Variants in TASP1 observed in about 807,000 individuals in gnomAD.
TASP1 encodes threonine aspartase 1.
Under a neutral mutation model 56.6 loss-of-function variants are expected in TASP1, and 16 were observed. That is an observed-to-expected ratio of 0.28 (90% CI 0.19 to 0.43). The LOEUF (loss-of-function observed/expected upper bound fraction) is 0.43. Among genes scored for constraint, TASP1 ranks in the 20% least tolerant of loss-of-function variants. TASP1 has a pLI of 1.00. For missense variants in TASP1, 393 were observed against 511.6 expected (o/e 0.77, Z 2.24); for synonymous variants, 179 against 184.2 (o/e 0.97, Z 0.23).
At chr20:13,214,518 G>GGC in the TASP1 span, among the ~76,000 whole-genome samples, 2 of 96,716 alleles carry the variant, frequency 2.1e-5, no homozygotes, top group Admixed American at 1.0e-4. Flanking sequence ...TACAGAGACA[G>GGC]GCACACACAC....
the TASP1 span, among the ~76,000 whole-genome samples, chr20:13,381,248 T>G: frequency 6.6e-6 from 1 of 152,204 alleles, no homozygotes; most frequent in African/African-American, 2.4e-5. Context: ...TTGCGAAGAC[T>G]GTGGGAAAAG....
the TASP1 span, among the ~76,000 whole-genome samples, chr20:13,118,463 A>AC: frequency 6.6e-6 from 1 of 151,726 alleles, no homozygotes. Context: ...AAAAAAACAA[A>AC]AAAAAACAAT....
intron 1 of TASP1, among the ~76,000 whole-genome samples, chr20:13,636,633 G>C (rs2049321253): frequency 6.6e-6 from 1 of 152,212 alleles, no homozygotes; most frequent in African/African-American, 2.4e-5. Flanking sequence ...TTTAACACAG[G>C]ATAATTTAGA....
the TASP1 span, among the ~76,000 whole-genome samples, chr20:13,138,762 G>T: frequency 6.6e-6 from 1 of 152,132 alleles, no homozygotes; most frequent in Non-Finnish European, 1.5e-5. Context: ...TTTGATAAAT[G>T]CATGGTTTTA....
At chr20:13,152,632 A>G in the TASP1 span, among the ~76,000 whole-genome samples, 1 of 152,170 alleles carries the variant, frequency 6.6e-6, no homozygotes, top group South Asian at 2.1e-4. Flanking sequence ...TAAAAGAAAG[A>G]CTCAAATAGT....
At chr20:13,521,040 C>T (rs1267534783) in intron 10 of TASP1, among the ~76,000 whole-genome samples, 3 of 152,114 alleles carry the variant, frequency 2.0e-5, no homozygotes, top group African/African-American at 7.2e-5. Flanking sequence ...TCATCACTGG[C>T]CATCAGAGAA....
chr20:13,461,973 T>C (rs1568832843), intron 11 of TASP1, among the ~76,000 whole-genome samples: 1 of 152,120 alleles, frequency 6.6e-6, no homozygotes, highest in African/African-American at 2.4e-5. Context: ...TAAGAAATTG[T>C]TTCTCAGTGT....
chr20:13,625,409 C>CT (rs1369010738), intron 2 of TASP1, among the ~76,000 whole-genome samples, 157 bp from the exon 3 acceptor site: 1 of 152,272 alleles, frequency 6.6e-6, no homozygotes, highest in African/African-American at 2.4e-5. Flanking sequence ...CAGTGTAAGC[C>CT]TTTTTAATAC....
chr20:13,381,812 CT>C, the TASP1 span, among the ~76,000 whole-genome samples: 2 of 152,182 alleles, frequency 1.3e-5, no homozygotes, highest in South Asian at 4.1e-4. Context: ...CTCTGGTCTT[CT>C]TTGTTTGCCC....
At chr20:13,478,683 A>T (rs1467602433) in intron 11 of TASP1, among the ~76,000 whole-genome samples, 3 of 152,122 alleles carry the variant, frequency 2.0e-5, no homozygotes, top group Non-Finnish European at 4.4e-5. Flanking sequence ...CAATACATCC[A>T]TGTAGCAAAA....
intron 9 of TASP1, among the ~76,000 whole-genome samples, chr20:13,531,236 G>A (rs1033376659): frequency 1.3e-5 from 2 of 152,176 alleles, no homozygotes; most frequent in African/African-American, 4.8e-5. Flanking sequence ...GGAGCTGAAA[G>A]ATGTTAAGTA....
the TASP1 span, among the ~76,000 whole-genome samples, chr20:13,348,749 T>C: frequency 6.6e-6 from 1 of 152,164 alleles, no homozygotes; most frequent in Admixed American, 6.5e-5. Context: ...AACTGGGGCT[T>C]TATTTTTGGC....
chr20:13,167,860 C>G, the TASP1 span: 1 of 152,116 alleles, frequency 6.6e-6, no homozygotes, highest in Admixed American at 6.5e-5. Flanking sequence ...CTAATCTATG[C>G]CAAAATTTAA....
At chr20:13,494,905 A>C (rs964383787) in intron 10 of TASP1, among the ~76,000 whole-genome samples, 1 of 152,060 alleles carries the variant, frequency 6.6e-6, no homozygotes, top group Non-Finnish European at 1.5e-5. Flanking sequence ...AAATAAAATT[A>C]AAGATTTTAT....
At chr20:13,494,806 G>A (rs1481756085) in intron 10 of TASP1, among the ~76,000 whole-genome samples, 6 of 151,978 alleles carry the variant, frequency 3.9e-5, no homozygotes, top group Non-Finnish European at 7.4e-5. Flanking sequence ...AGCACAACAG[G>A]TTCTGATACT....
intron 13 of TASP1, among the ~76,000 whole-genome samples, chr20:13,401,611 G>C (rs2041739958): frequency 6.6e-6 from 1 of 152,144 alleles, no homozygotes; most frequent in South Asian, 2.1e-4. Flanking sequence ...TCTCAAGTTA[G>C]TAAGTTAACA....
the TASP1 span, among the ~76,000 whole-genome samples, chr20:13,198,926 G>A: frequency 2.2e-5 from 3 of 137,410 alleles, no homozygotes; most frequent in African/African-American, 8.3e-5. Context: ...TTTATTTTGA[G>A]ACAAGATCTT....
intron 4 of TASP1, among the ~76,000 whole-genome samples, chr20:13,610,320 T>A (rs890824636): frequency 6.6e-6 from 1 of 152,186 alleles, no homozygotes; most frequent in Non-Finnish European, 1.5e-5. Flanking sequence ...ATGATTCCAT[T>A]TACATGAAGT....
At chr20:13,352,833 CTA>C in the TASP1 span, among the ~76,000 whole-genome samples, 1 of 152,214 alleles carries the variant, frequency 6.6e-6, no homozygotes, top group Non-Finnish European at 1.5e-5. Context: ...TCACCACTCT[CTA>C]TATCTACAGA....
Sources: gnomAD v4.1 joint callset for allele counts (sites outside exome capture counted in the v4.1 genomes callset) on GRCh38, gnomAD v4.1.1 for gene constraint, MANE v1.5 for transcripts, NCBI Gene and HGNC (gene_info 2026-07-23, HGNC 2026-07-21) for gene names.